Variants in P2RY8 observed in about 807,000 individuals in gnomAD.
P2RY8 encodes the protein S-geranylgeranyl-glutathione receptor P2RY8.
In P2RY8, 6 loss-of-function variants were observed where a neutral mutation model predicts 10.0. The ratio of observed to expected loss-of-function variants is 0.60; its 90% CI spans 0.33 to 1.19. The LOEUF is 1.19. Ranked by LOEUF, P2RY8 falls within the 50% of genes most tolerant of loss-of-function variation. The pLI, the probability that P2RY8 is intolerant of heterozygous loss-of-function variation, is 0.04. For synonymous variants in P2RY8, 276 were observed against 252.5 expected, an observed-to-expected ratio of 1.09 and a Z score of -0.88; for missense variants, 456 against 542.0, an observed-to-expected ratio of 0.84 and a Z score of 1.58.
chrX:1,502,451 T>G (rs1178461211), intron 1 of P2RY8, among the ~76,000 whole-genome samples: 1 of 152,088 alleles, frequency 6.6e-6, no homozygotes, highest in African/African-American at 2.4e-5. Flanking sequence ...CTCTTTCTAC[T>G]GACTCTCTGG....
At chrX:1,470,239 C>T (rs1414419149) in intron 1 of P2RY8, among the ~76,000 whole-genome samples, 9 of 144,048 alleles carry the variant, frequency 6.2e-5, no homozygotes, top group Middle Eastern at 3.9e-3. Context: ...GGGCCAGGCG[C>T]GGTGACTCAC....
At chrX:1,498,387 CAG>C (rs2092139771) in intron 1 of P2RY8, among the ~76,000 whole-genome samples, 2 of 110,732 alleles carry the variant, frequency 1.8e-5, no homozygotes, top group Non-Finnish European at 3.4e-5. Flanking sequence ...GCCTGGGCGA[CAG>C]AGCGAGACTC....
chrX:1,503,444 A>G (rs1339117115), intron 1 of P2RY8, among the ~76,000 whole-genome samples: 2 of 152,218 alleles, frequency 1.3e-5, no homozygotes, highest in Admixed American at 1.3e-4. Flanking sequence ...ACTTTCTGAC[A>G]TGCCACGAGC....
intron 1 of P2RY8, among the ~76,000 whole-genome samples, chrX:1,527,549 A>T (rs2092446959): frequency 6.6e-6 from 1 of 151,694 alleles, no homozygotes; most frequent in Non-Finnish European, 1.5e-5. Context: ...TCATGTATCT[A>T]TTCATTCAAT....
At chrX:1,527,180 C>A (rs1252045076) in intron 1 of P2RY8, among the ~76,000 whole-genome samples, 3 of 152,306 alleles carry the variant, frequency 2.0e-5, no homozygotes, top group East Asian at 3.9e-4. Flanking sequence ...CAGGCGTGAG[C>A]CACCGCGCCC....
intron 1 of P2RY8, among the ~76,000 whole-genome samples, chrX:1,467,909 C>T (rs2091713193): frequency 6.6e-6 from 1 of 152,130 alleles, no homozygotes; most frequent in African/African-American, 2.4e-5. Context: ...AAACTCCTGG[C>T]CTCAAGCAAT....
intron 1 of P2RY8, among the ~76,000 whole-genome samples, chrX:1,477,647 AT>A (rs2091890622): frequency 6.6e-6 from 1 of 152,194 alleles, no homozygotes; most frequent in South Asian, 2.1e-4. Context: ...TGCGTCTGGC[AT>A]CTGGTGGGTA....
intron 1 of P2RY8, among the ~76,000 whole-genome samples, chrX:1,472,488 G>C: frequency 8.2e-6 from 1 of 121,442 alleles, no homozygotes; most frequent in Non-Finnish European, 1.7e-5. Flanking sequence ...AGATGGGTGG[G>C]TGGATGGATG....
intron 1 of P2RY8, among the ~76,000 whole-genome samples, chrX:1,504,277 C>T (rs1404867083): frequency 7.3e-5 from 11 of 150,864 alleles, no homozygotes; most frequent in Non-Finnish European, 8.8e-5. Context: ...GATGGCGCCA[C>T]TGCACTCCAG....
At chrX:1,526,975 C>T (rs1690613841) in intron 1 of P2RY8, among the ~76,000 whole-genome samples, 1 of 152,142 alleles carries the variant, frequency 6.6e-6, no homozygotes, top group Admixed American at 6.5e-5. Context: ...CTCATTGCAA[C>T]ATCTGCCTCC....
intron 1 of P2RY8, among the ~76,000 whole-genome samples, chrX:1,484,749 G>A (rs7884279): frequency 0.56 from 35,025 of 62,504 alleles, 8,229 homozygotes; most frequent in East Asian, 0.76. Flanking sequence ...AAAAAAAAAA[G>A]AAGAAGAAGA....
chrX:1,519,333 C>G (rs1322554530), intron 1 of P2RY8, among the ~76,000 whole-genome samples: 1 of 150,880 alleles, frequency 6.6e-6, no homozygotes, highest in African/African-American at 2.4e-5. Flanking sequence ...CTAATAATCT[C>G]TCTGGTCTCC....
chrX:1,473,247 G>A lies in P2RY8; in HGVS notation c.-24-6665C>T, dbSNP rs376437974. ...TGGATAGATGAGTAGGTAGATGGGT[G>A]CGTGGACGGATGGGTGAATAGATGG... On this transcript the variant is annotated intron_variant, in intron 1 of 1. Coordinates refer to ENST00000381297, the MANE Select transcript of P2RY8 (RefSeq NM_178129.5). Among the ~76,000 whole-genome samples, 587 of 151,282 alleles carry A rather than the reference G, an allele frequency of 3.9e-3. 3 individuals are homozygous for A. The highest frequency in any genetic ancestry group is 0.013 in the African/African-American group (554 of 41,158).
chrX:1,510,137 A>G (rs1249406087), intron 1 of P2RY8, among the ~76,000 whole-genome samples: 1 of 152,078 alleles, frequency 6.6e-6, no homozygotes, highest in Non-Finnish European at 1.5e-5. Context: ...TGTCATCTAT[A>G]TCTATGTATT....
rs1371141601 is a variant in P2RY8 at position 1,463,773 on chromosome X, G to C, written c.*1706C>G. 4 of 231,712 alleles carry C rather than the reference G, an allele frequency of 1.7e-5. No homozygotes were observed. The highest frequency in any genetic ancestry group is 3.4e-5 in the Non-Finnish European group (4 of 117,550). 14.4% of individuals were successfully genotyped at this position (231,712 alleles called of 1,614,324 possible). Reference sequence around the variant, plus strand: ...GGGACTCCAGGCATCCCTGGGCTTGGGGCAGCATCACTTCAGTCTCTGCCT... The same window carrying C: ...GGGACTCCAGGCATCCCTGGGCTTGCGGCAGCATCACTTCAGTCTCTGCCT... On this transcript the variant is annotated 3_prime_UTR_variant, in exon 2 of 2. Transcript: ENST00000381297.
intron 1 of P2RY8, among the ~76,000 whole-genome samples, chrX:1,515,602 C>G (rs189210183): frequency 6.6e-6 from 1 of 151,526 alleles, no homozygotes; most frequent in Admixed American, 6.6e-5. Context: ...AACTCCTGAC[C>G]TCACGTGATC....
Position 1,464,551 on chromosome X carries a change from G to C in P2RY8, c.*928C>G, listed in dbSNP as rs755336117. The stretch of plus-strand genomic sequence containing the variant: ...AATGGGCAGGAGGTGGGGAACTCCC[G>C]AATCAAGCTGCACCCTTGTGTTGGG... On this transcript the variant is annotated 3_prime_UTR_variant, in exon 2 of 2. Coordinates refer to ENST00000381297, the MANE Select transcript of P2RY8 (RefSeq NM_178129.5). The C allele has an allele frequency of 5.1e-5, 12 of 233,334 alleles. No homozygotes were observed. The highest frequency in any genetic ancestry group is 1.3e-4 in the African/African-American group (6 of 45,338). The allele number at this position is 233,334 out of a possible 1,614,324, so 14.5% of individuals were successfully genotyped here. A position where few individuals can be genotyped will look rare whatever the true frequency, so the allele number is the denominator to read the frequency against.
At chrX:1,470,372 G>A (rs1477969166) in intron 1 of P2RY8, among the ~76,000 whole-genome samples, 3 of 151,994 alleles carry the variant, frequency 2.0e-5, no homozygotes, top group South Asian at 2.1e-4. Context: ...AAAATTAACC[G>A]GGTGTTGTGG....
At chrX:1,486,908 A>G (rs1396616072) in intron 1 of P2RY8, among the ~76,000 whole-genome samples, 1 of 152,180 alleles carries the variant, frequency 6.6e-6, no homozygotes, top group Non-Finnish European at 1.5e-5. Context: ...CCTGTCCCTC[A>G]GAGAGCCCCG....
Sources: allele counts gnomAD v4.1 joint callset (sites outside exome capture counted in the v4.1 genomes callset), GRCh38; gene constraint gnomAD v4.1.1; transcripts MANE v1.5; gene names NCBI Gene and HGNC (gene_info 2026-07-23, HGNC 2026-07-21).